Variants in HNRNPK observed in about 807,000 individuals in gnomAD.
The protein encoded by HNRNPK is dC-stretch binding protein.
Under a neutral mutation model 67.0 loss-of-function variants are expected in HNRNPK, and 7 were observed. That is an observed-to-expected ratio of 0.10 (90% CI 0.06 to 0.20). The LOEUF (loss-of-function observed/expected upper bound fraction) is 0.20, where lower values mean the gene tolerates loss of function less well. Ranked by LOEUF, HNRNPK falls within the 10% of genes least tolerant of loss-of-function variation. The pLI is 1.00. For synonymous variants in HNRNPK, 213 were observed against 193.7 expected, an observed-to-expected ratio of 1.10 and a Z score of -0.83; for missense variants, 264 against 606.5, an observed-to-expected ratio of 0.44 and a Z score of 5.93.
At position 83,978,013 on chromosome 9, in the gene HNRNPK, A is replaced by C. The variant is rs3737134; in HGVS notation, c.58+182T>G. Among the ~76,000 whole-genome samples, 28,562 of 152,228 alleles carry C rather than the reference A, an allele frequency of 0.19. 3,372 individuals carry two copies. Among genetic ancestry groups the C allele is most frequent in the Middle Eastern group, 0.27 (78 of 294 alleles). On this transcript the variant is annotated intron_variant, in intron 3 of 16. Transcript: ENST00000376263. ...TCCCAAAATGCAAGAAAAATTCTTT[A>C]TATGCAAATCAGTTACTTCTACTTC...
At chr9:83,978,050 C>A in intron 3 of HNRNPK, 145 bp downstream of exon 3, 1 of 625,786 alleles carries the variant, frequency 1.6e-6, no homozygotes. Context: ...TAAATAAAAG[C>A]TAAGATGTAA....
At chr9:83,969,929 GA>G in intron 16 of HNRNPK, 1 of 641,888 alleles carries the variant, frequency 1.6e-6, no homozygotes. Flanking sequence ...TTTCACCAGA[GA>G]AATGAGAAGT....
rs1390934343 is a variant in HNRNPK at position 83,972,892 on chromosome 9, G to A, written c.597C>T (p.Pro199=). 7 of 1,609,534 alleles carry A rather than the reference G, an allele frequency of 4.3e-6. No homozygotes were observed. The South Asian group carries it at 4.4e-5, about 10-fold the overall frequency. Residue 199 remains proline, a synonymous_variant, in exon 10 of 17, where the codon CCC becomes CCT. Coordinates refer to ENST00000376263, the MANE Select transcript of HNRNPK (RefSeq NM_031263.4). The stretch of plus-strand genomic sequence containing the variant: ...TCTTTATGCACTCTACAACCCTATC[G>A]GGTTTTCCTCCAATAAGAACAACTC... ...TDRVVLIGGK[P]DRVVECIKII...
At chr9:83,972,714 C>CAGG (rs1320188035) in intron 10 of HNRNPK, 130 bp downstream of exon 10, 1 of 612,754 alleles carries the variant, frequency 1.6e-6, no homozygotes, top group East Asian at 3.0e-5. Context: ...TGGCTGAAGC[C>CAGG]AGGTGATAGA....
In HNRNPK at chr9:83,969,035, C is replaced by G; in HGVS notation, c.*372G>C. On this transcript the variant is annotated 3_prime_UTR_variant, in exon 17 of 17. Coordinates refer to ENST00000376263, the MANE Select transcript of HNRNPK (RefSeq NM_031263.4). ...TTGTTACTTTTCCTCCCTGTCCCAC[C>G]CCCCAAATGTTACAGTGACCACAAA... is the stretch of plus-strand genomic sequence containing the variant. 2.7e-6 allele frequency: 1 copy of G among 376,878 alleles called. No individual in the cohort carries two copies. The highest frequency in any genetic ancestry group is 4.8e-6 in the Non-Finnish European group (1 of 208,722). The allele number at this position is 376,878 out of a possible 1,614,324, so 23.3% of individuals were successfully genotyped here. A position where few individuals can be genotyped will look rare whatever the true frequency, so the allele number is the denominator to read the frequency against.
rs1219934693 is a variant in HNRNPK, at chr9:83,970,808, C to T, written c.1120G>A (p.Ala374Thr). ...TCACCATATGAGCCACGACCCCCTG[C>T]ATAGGAATAATCTGATTTAAATAAT... ...QGGSGYDYSY[A>T]GGRGSYGDLG... is the part of the protein sequence containing the mutation. Residue 374 changes from alanine to threonine, a missense_variant, in exon 15 of 17, where the codon GCA becomes ACA. Coordinates refer to ENST00000376263, the MANE Select transcript of HNRNPK (RefSeq NM_031263.4). 2 of 1,611,046 alleles carry T rather than the reference C, an allele frequency of 1.2e-6. No homozygotes were observed. The highest frequency in any genetic ancestry group is 1.1e-5 in the South Asian group (1 of 90,942).
chr9:83,979,600 C>T (rs577994958), intron 1 of HNRNPK, among the ~76,000 whole-genome samples: 15 of 152,274 alleles, frequency 9.9e-5, no homozygotes, highest in African/African-American at 3.6e-4. Flanking sequence ...AAGCACCGCA[C>T]CTCTCCTCAC....
chr9:83,972,779 CT>C, intron 10 of HNRNPK, 64 bp downstream of exon 10: 1 of 1,302,520 alleles, frequency 7.7e-7, no homozygotes, highest in Non-Finnish European at 1.1e-6. Context: ...TCTGAAGCTA[CT>C]TTTGCAGAAG....
At chr9:83,970,640 G>T in intron 15 of HNRNPK, 97 bp downstream of exon 15, 2 of 859,946 alleles carry the variant, frequency 2.3e-6, no homozygotes, top group Non-Finnish European at 3.7e-6. Context: ...TCCTAAATGT[G>T]TATTTTTGTT....
chr9:83,979,609 A>C (rs1430405809), intron 1 of HNRNPK, among the ~76,000 whole-genome samples: 1 of 151,316 alleles, frequency 6.6e-6, no homozygotes, highest in African/African-American at 2.4e-5. Context: ...ACCTCTCCTC[A>C]CCCGGATCCG....
At chr9:83,977,536 G>A (rs913381715) in intron 4 of HNRNPK, among the ~76,000 whole-genome samples, 153 bp downstream of exon 4, 2 of 152,182 alleles carry the variant, frequency 1.3e-5, no homozygotes, top group African/African-American at 4.8e-5. Flanking sequence ...AGTGGAATAA[G>A]AAAACCACCA....
Position 83,970,170 on chromosome 9 carries a change from C to T in HNRNPK, c.1353G>A (p.Leu451=), listed in dbSNP as rs780132151. Residue 451 remains leucine, a synonymous_variant, in exon 16 of 17, where the codon CTG becomes CTA. Transcript: ENST00000376263. ...GCTAAACTTAAACTGACCTGTTCTGCAGCAAATACTGTGCATTCTGTATCT... is the reference window on the plus strand; with the variant it reads ...GCTAAACTTAAACTGACCTGTTCTGTAGCAAATACTGTGCATTCTGTATCT... ...QDQIQNAQYL[L]QNSVKQYADV... 4 of 1,611,730 alleles carry T rather than the reference C, an allele frequency of 2.5e-6. No homozygotes were observed. The African/African-American group carries it at 5.3e-5, about 22-fold the overall frequency.
rs1956686678 is a variant in HNRNPK at position 83,968,651 on chromosome 9, A to T, written c.*756T>A. ...AAAAGTAGGGGCAAGCATTTGCAAA[A>T]ACAAACAAAAAATCCCCAGCTTATT... On this transcript the variant is annotated 3_prime_UTR_variant, in exon 17 of 17. Transcript: ENST00000376263. The T allele has an allele frequency of 6.6e-6, 1 of 151,522 alleles. No individual in the cohort carries two copies. Among genetic ancestry groups the T allele is most frequent in the Non-Finnish European group, 1.5e-5 (1 of 67,134 alleles). The allele number at this position is 151,522 out of a possible 1,614,324, so 9.4% of individuals were successfully genotyped here. A position where few individuals can be genotyped will look rare whatever the true frequency, so the allele number is the denominator to read the frequency against.
At chr9:83,975,090 G>A (rs776952643) in intron 6 of HNRNPK, among the ~76,000 whole-genome samples, 15 of 152,180 alleles carry the variant, frequency 9.9e-5, no homozygotes, top group Non-Finnish European at 2.1e-4. Context: ...CAACACAAAT[G>A]AGAAGTGAAG....
In HNRNPK at chr9:83,969,283, G is replaced by A. The variant is rs1207704773; in HGVS notation, c.*124C>T. ...CAGAACACCTATGAAGCAGAGGAAT[G>A]TTGGCTTTTTAAACAGAAGCAGATA... On this transcript the variant is annotated 3_prime_UTR_variant, in exon 17 of 17. Coordinates refer to ENST00000376263, the MANE Select transcript of HNRNPK (RefSeq NM_031263.4). The A allele has an allele frequency of 1.3e-6, 1 of 749,572 alleles. No individual in the cohort carries two copies. The highest frequency in any genetic ancestry group is 2.2e-5 in the Admixed American group (1 of 46,336). The allele number at this position is 749,572 out of a possible 1,614,324, so 46.4% of individuals were successfully genotyped here.
At chr9:83,970,398 G>T in intron 15 of HNRNPK, 67 bp from the exon 16 acceptor site, 1 of 1,211,876 alleles carries the variant, frequency 8.3e-7, no homozygotes, top group Non-Finnish European at 1.2e-6. Flanking sequence ...GTATTTTCAA[G>T]GAGCATGAAG....
chr9:83,972,626 A>C (rs1956903435), intron 10 of HNRNPK, among the ~76,000 whole-genome samples: 3 of 152,224 alleles, frequency 2.0e-5, no homozygotes, highest in African/African-American at 7.2e-5. Flanking sequence ...AATTCATTCA[A>C]AGGCTCAAAG....
Position 83,978,175 on chromosome 9 carries a change from A to G in HNRNPK, c.58+20T>C, listed in dbSNP as rs751058428. The G allele has an allele frequency of 4.6e-6, 7 of 1,519,298 alleles. No individual in the cohort carries two copies. The African/African-American group carries it at 9.6e-5, about 21-fold the overall frequency. The allele number at this position is 1,519,298 out of a possible 1,614,324, so 94.1% of individuals were successfully genotyped here. ...TTAACAGGATAAAAAAATACTGTTA[A>G]AACTAAAATTTCTTCTCACCAAATT... On this transcript the variant is annotated intron_variant, in intron 3 of 16. Coordinates refer to ENST00000376263, the MANE Select transcript of HNRNPK (RefSeq NM_031263.4).
At position 83,971,344 on chromosome 9, in the gene HNRNPK, C is replaced by T. The variant is rs372620380; in HGVS notation, c.1021G>A (p.Ala341Thr). ...DRYDGMVGFS[A>T]DETWDSAIDT... ...ATTGCAGAGTCCCAAGTTTCATCAG[C>T]ACTGAAACCAACCTGTTAGAGATAA... The change falls in exon 13 of 17, where the codon GCT becomes ACT. Residue 341 changes from alanine (A) to threonine (T), a missense_variant. This residue lies in a region of HNRNPK where 142 missense variants were observed against 256.5 expected (regional missense o/e 0.55). Coordinates refer to ENST00000376263, the MANE Select transcript of HNRNPK (RefSeq NM_031263.4). The T allele has an allele frequency of 5.7e-5, 92 of 1,607,538 alleles. No individual in the cohort carries two copies. Among genetic ancestry groups the T allele is most frequent in the Non-Finnish European group, 7.6e-5 (89 of 1,174,174 alleles).
Sources: allele counts gnomAD v4.1 joint callset (sites outside exome capture counted in the v4.1 genomes callset), GRCh38; gene constraint gnomAD v4.1.1; regional missense constraint gnomAD v4.1.1; transcripts MANE v1.5; gene names NCBI Gene and HGNC (gene_info 2026-07-23, HGNC 2026-07-21).